SLIT2: variants seen among roughly 807,000 people sequenced by gnomAD.
SLIT2 encodes the protein slit homolog 2 protein.
Under a neutral mutation model 185.7 loss-of-function variants are expected in SLIT2, and 41 were observed. The observed-to-expected ratio is 0.22, with a 90% CI of 0.17 to 0.29. The LOEUF (loss-of-function observed/expected upper bound fraction) is 0.29. SLIT2 is among the 10% of genes least tolerant of loss of function. The probability of loss-of-function intolerance (pLI) is 1.00; values close to 1 mark genes in which losing one functional copy is unlikely to be tolerated. For missense variants in SLIT2, 1,571 were observed against 1,909.0 expected (o/e 0.82, Z 3.30); for synonymous variants, 693 against 680.2 (o/e 1.02, Z -0.29).
chr4:20,416,559 A>G (rs938973670), intron 4 of SLIT2, among the ~76,000 whole-genome samples: 7 of 151,956 alleles, frequency 4.6e-5, no homozygotes, highest in African/African-American at 1.7e-4. Flanking sequence ...AAAATGCTCC[A>G]TTTCAGGTAT....
rs186129767 is a variant in SLIT2 at position 20,486,062 on chromosome 4, T to G, written c.540-138T>G. 7.5e-5 allele frequency: 48 copies of G among 642,872 alleles called. No homozygotes were observed. In the African/African-American group the frequency reaches 7.8e-4, roughly 10 times the overall value. 39.8% of individuals were successfully genotyped at this position (642,872 alleles called of 1,614,324 possible). A position where few individuals can be genotyped will look rare whatever the true frequency, so the allele number is the denominator to read the frequency against. On this transcript the variant is annotated intron_variant, in intron 6 of 36. Coordinates refer to ENST00000504154, the MANE Select transcript of SLIT2 (RefSeq NM_004787.4). Reference sequence around the variant, plus strand: ...ATTATTTATCAACTTGTCTATAGAGTAGTGCATTCTCTATGTCATCTCTAC... The same window carrying G: ...ATTATTTATCAACTTGTCTATAGAGGAGTGCATTCTCTATGTCATCTCTAC...
chr4:20,463,578 T>A (rs1319341288), intron 4 of SLIT2, among the ~76,000 whole-genome samples: 1 of 141,248 alleles, frequency 7.1e-6, no homozygotes, highest in African/African-American at 2.6e-5. Context: ...CCAACTAGAT[T>A]TAAAAAATTT....
chr4:20,413,994 T>G (rs940272711), intron 4 of SLIT2, among the ~76,000 whole-genome samples: 6 of 152,132 alleles, frequency 3.9e-5, no homozygotes, highest in African/African-American at 7.2e-5. Context: ...TTTGTCATGT[T>G]TTGCTATTTG....
chr4:20,286,838 C>T (rs1475349388), intron 4 of SLIT2, among the ~76,000 whole-genome samples: 1 of 151,974 alleles, frequency 6.6e-6, no homozygotes, highest in African/African-American at 2.4e-5. Flanking sequence ...CGTCCCTTGC[C>T]CAAAGATCAT....
chr4:20,271,833 G>A (rs963204562), intron 4 of SLIT2, among the ~76,000 whole-genome samples: 3 of 151,924 alleles, frequency 2.0e-5, no homozygotes, highest in Non-Finnish European at 4.4e-5. Context: ...ATAAATAATC[G>A]CCCTTTGACT....
chr4:20,363,314 C>CA (rs1005456597), intron 4 of SLIT2, among the ~76,000 whole-genome samples: 10 of 152,026 alleles, frequency 6.6e-5, no homozygotes, highest in African/African-American at 2.4e-4. Flanking sequence ...AAACAAAATA[C>CA]AAAAAAGATA....
intron 9 of SLIT2, among the ~76,000 whole-genome samples, chr4:20,494,978 A>T (rs1718104087): frequency 6.6e-6 from 1 of 152,108 alleles, no homozygotes; most frequent in African/African-American, 2.4e-5. Context: ...GGCTCTAATA[A>T]GTAAGGGAGG....
chr4:20,594,266 T>C lies in SLIT2; in HGVS notation c.3183-1431T>C, dbSNP rs920716202. Among the ~76,000 whole-genome samples, 284 of 149,914 alleles carry C rather than the reference T, an allele frequency of 1.9e-3. 2 individuals are homozygous for C. Among genetic ancestry groups the C allele is most frequent in the African/African-American group, 6.6e-3 (269 of 40,548 alleles). On this transcript the variant is annotated intron_variant, in intron 30 of 36. Coordinates refer to ENST00000504154, the MANE Select transcript of SLIT2 (RefSeq NM_004787.4). ...ATACATATACATATACATACACGCA[T>C]ATGTATGTGTGTATGTATATGTGTG...
At chr4:20,453,563 C>CT (rs1156430422) in intron 4 of SLIT2, among the ~76,000 whole-genome samples, 4 of 152,030 alleles carry the variant, frequency 2.6e-5, no homozygotes, top group Non-Finnish European at 5.9e-5. Flanking sequence ...AAATGTTAGT[C>CT]TTAATTTATA....
chr4:20,605,488 G>A (rs1728722640), intron 33 of SLIT2, among the ~76,000 whole-genome samples: 1 of 152,144 alleles, frequency 6.6e-6, no homozygotes, highest in South Asian at 2.1e-4. Flanking sequence ...CCAAAGTTAA[G>A]TGGTTCGCTT....
Position 20,472,486 on chromosome 4 carries a change from A to ATATCTATATAGATATATC in SLIT2, c.467+4666_467+4667insCTATATAGATATATCTAT, listed in dbSNP as rs1339726216. ...TATATCTATATATAGATATATATCT[A>ATATCTATATAGATATATC]TATATAGATATATATCTATATATAG... is the stretch of plus-strand genomic sequence containing the variant. On this transcript the variant is annotated intron_variant, in intron 5 of 36. Coordinates refer to ENST00000504154, the MANE Select transcript of SLIT2 (RefSeq NM_004787.4). 9.7e-5 allele frequency among the ~76,000 whole-genome samples: 2 copies of ATATCTATATAGATATATC among 20,704 alleles called. 1 individual carries two copies. Among genetic ancestry groups the ATATCTATATAGATATATC allele is most frequent in the African/African-American group, 5.8e-4 (2 of 3,462 alleles). 13.6% of individuals were successfully genotyped at this position (20,704 alleles called of 152,430 possible).
intron 32 of SLIT2, among the ~76,000 whole-genome samples, chr4:20,596,883 TA>T (rs11318081): frequency 0.68 from 101,761 of 150,198 alleles, 34,823 homozygotes; most frequent in East Asian, 0.97. Flanking sequence ...AAGCAGACAG[TA>T]AAAAAAAAAA....
At chr4:20,428,322 C>T (rs971273797) in intron 4 of SLIT2, among the ~76,000 whole-genome samples, 2 of 152,162 alleles carry the variant, frequency 1.3e-5, no homozygotes, top group Non-Finnish European at 2.9e-5. Flanking sequence ...GGAGCCCTGC[C>T]ATCATGCCAC....
chr4:20,283,297 T>C (rs955021128), intron 4 of SLIT2, among the ~76,000 whole-genome samples: 2 of 152,324 alleles, frequency 1.3e-5, no homozygotes, highest in Non-Finnish European at 2.9e-5. Flanking sequence ...GTGCATCATC[T>C]AAGCTGGTGT....
chr4:20,549,659 T>C (rs1723563865), intron 24 of SLIT2, among the ~76,000 whole-genome samples: 1 of 151,900 alleles, frequency 6.6e-6, no homozygotes, highest in Non-Finnish European at 1.5e-5. Context: ...GCCACAGATA[T>C]TAATAGGATC....
intron 4 of SLIT2, among the ~76,000 whole-genome samples, chr4:20,395,842 A>G (rs1388149270): frequency 1.3e-5 from 2 of 151,950 alleles, no homozygotes; most frequent in East Asian, 3.9e-4. Context: ...GAAAACTAAC[A>G]GTAACAAAGA....
chr4:20,493,269 T>G (rs77568686), intron 9 of SLIT2, among the ~76,000 whole-genome samples: 102 of 152,296 alleles, frequency 6.7e-4, no homozygotes, highest in African/African-American at 2.3e-3. Context: ...CATCTCCATT[T>G]GATTTTAAAA....
At chr4:20,516,144 C>G (rs1186852036) in intron 11 of SLIT2, among the ~76,000 whole-genome samples, 1 of 152,156 alleles carries the variant, frequency 6.6e-6, no homozygotes, top group African/African-American at 2.4e-5. Flanking sequence ...AGCACAAGAG[C>G]TCAAACACTG....
At chr4:20,307,880 G>A (rs1288250741) in intron 4 of SLIT2, among the ~76,000 whole-genome samples, 3 of 152,240 alleles carry the variant, frequency 2.0e-5, no homozygotes, top group East Asian at 3.9e-4. Flanking sequence ...CCCACTGCCT[G>A]TCCCCTGACC....
Sources: allele counts gnomAD v4.1 joint callset (sites outside exome capture counted in the v4.1 genomes callset), GRCh38; gene constraint gnomAD v4.1.1; transcripts MANE v1.5; gene names NCBI Gene and HGNC (gene_info 2026-07-23, HGNC 2026-07-21).